The following PBX3 variants were observed in gnomAD, a reference collection of about 807,000 sequenced individuals.
PBX3 encodes PBX homeobox 3, also known as pre-B-cell leukemia transcription factor 3.
A neutral mutation model predicts 48.5 loss-of-function variants in PBX3; 14 were observed. That is an observed-to-expected ratio of 0.29 (90% CI 0.19 to 0.45). The LOEUF (loss-of-function observed/expected upper bound fraction) is 0.45. Among genes scored for constraint, PBX3 ranks in the 20% least tolerant of loss-of-function variants. The probability of loss-of-function intolerance (pLI) is 1.00; values close to 1 mark genes in which losing one functional copy is unlikely to be tolerated. For missense variants in PBX3, 386 were observed against 546.7 expected (o/e 0.71, Z 2.93); for synonymous variants, 210 against 200.3 (o/e 1.05, Z -0.41).
In PBX3 at chr9:125,832,258, C is replaced by T. The variant is rs866493919; in HGVS notation, c.275-83428C>T. ...TTGCCCAGGCTGGAGTGCAGTGGCG[C>T]GATCTCGGCTGACTGCAAGCTCTGC... On this transcript the variant is annotated intron_variant, in intron 2 of 8. Coordinates refer to ENST00000373489, the MANE Select transcript of PBX3 (RefSeq NM_006195.6). Among the ~76,000 whole-genome samples the T allele has an allele frequency of 1.5e-4, 22 of 151,374 alleles. No individual in the cohort carries two copies. In the East Asian group the frequency reaches 1.6e-3, roughly 11 times the overall value.
At chr9:125,903,662 T>C (rs1270453140) in intron 2 of PBX3, among the ~76,000 whole-genome samples, 2 of 151,892 alleles carry the variant, frequency 1.3e-5, no homozygotes, top group Admixed American at 1.3e-4. Context: ...ACAAAAGAAG[T>C]AAGTTAACAA....
chr9:125,867,098 A>T (rs892638067), intron 2 of PBX3, among the ~76,000 whole-genome samples: 3 of 152,174 alleles, frequency 2.0e-5, no homozygotes, highest in Non-Finnish European at 4.4e-5. Flanking sequence ...CAAAAATAAT[A>T]CCATGAAGGG....
rs1218388914 is a variant in PBX3 at position 125,899,452 on chromosome 9, T to TAGAGAGAGAG, written c.275-16233_275-16232insGAGAGAGAGA. 1.0e-3 allele frequency among the ~76,000 whole-genome samples: 92 copies of TAGAGAGAGAG among 89,074 alleles called. 1 individual carries two copies. Among genetic ancestry groups the TAGAGAGAGAG allele is most frequent in the South Asian group, 2.8e-3 (7 of 2,494 alleles). 58.4% of individuals were successfully genotyped at this position (89,074 alleles called of 152,430 possible). A position where few individuals can be genotyped will look rare whatever the true frequency, so the allele number is the denominator to read the frequency against. ...CTATATATATGTGTGTATATATATA[T>TAGAGAGAGAG]ATAGAGAGAGAGAGAGAGAGAGAGA... is the stretch of plus-strand genomic sequence containing the variant. On this transcript the variant is annotated intron_variant, in intron 2 of 8. Transcript: ENST00000373489.
intron 2 of PBX3, among the ~76,000 whole-genome samples, chr9:125,821,876 A>G (rs1380524212): frequency 6.6e-6 from 1 of 152,072 alleles, no homozygotes; most frequent in Non-Finnish European, 1.5e-5. Flanking sequence ...CCTCATTATG[A>G]TTTTAAGGAT....
intron 2 of PBX3, among the ~76,000 whole-genome samples, chr9:125,834,406 T>C (rs1387411058): frequency 6.6e-6 from 1 of 151,926 alleles, no homozygotes; most frequent in African/African-American, 2.4e-5. Context: ...GTTTTTTTTA[T>C]TTTTATTTTT....
At chr9:125,826,521 C>T (rs1236668328) in intron 2 of PBX3, among the ~76,000 whole-genome samples, 1 of 152,008 alleles carries the variant, frequency 6.6e-6, no homozygotes, top group Non-Finnish European at 1.5e-5. Flanking sequence ...ATTTCATAAA[C>T]ATAATATGGT....
intron 2 of PBX3, among the ~76,000 whole-genome samples, chr9:125,875,641 A>G (rs954905930): frequency 1.3e-5 from 2 of 152,098 alleles, no homozygotes; most frequent in Admixed American, 6.6e-5. Flanking sequence ...TCTTGGTTCA[A>G]TCTTCCTGAC....
intron 2 of PBX3, among the ~76,000 whole-genome samples, chr9:125,836,202 T>TA (rs1564681973): frequency 6.6e-6 from 1 of 152,144 alleles, no homozygotes; most frequent in Non-Finnish European, 1.5e-5. Flanking sequence ...TCCAAGCACT[T>TA]TGGGAGGCCG....
At chr9:125,906,741 G>C (rs142864354) in intron 2 of PBX3, among the ~76,000 whole-genome samples, 1 of 151,956 alleles carries the variant, frequency 6.6e-6, no homozygotes, top group Non-Finnish European at 1.5e-5. Flanking sequence ...TATTATGTGT[G>C]TATGGTACTA....
intron 2 of PBX3, among the ~76,000 whole-genome samples, chr9:125,750,185 C>T (rs925869115): frequency 5.3e-5 from 8 of 152,186 alleles, no homozygotes; most frequent in African/African-American, 1.7e-4. Context: ...TCAGTTTCTG[C>T]TGACAGCCAA....
Position 125,847,284 on chromosome 9 carries a change from A to G in PBX3, c.275-68402A>G, listed in dbSNP as rs898038284. 6.6e-5 allele frequency among the ~76,000 whole-genome samples: 10 copies of G among 152,100 alleles called. No homozygotes were observed. The East Asian group carries it at 1.7e-3, about 26-fold the overall frequency. On this transcript the variant is annotated intron_variant, in intron 2 of 8. Transcript: ENST00000373489. ...ATTTCTTATACTAATTTGTGAAGAG[A>G]AAATTTCCTATATCTACTACTTAGT...
intron 2 of PBX3, among the ~76,000 whole-genome samples, chr9:125,849,304 A>G (rs1839513280): frequency 6.6e-6 from 1 of 151,836 alleles, no homozygotes; most frequent in Admixed American, 6.6e-5. Flanking sequence ...TTATTGTGCT[A>G]TCCTTTATGT....
chr9:125,756,890 C>T (rs1345861431), intron 2 of PBX3, among the ~76,000 whole-genome samples: 2 of 152,140 alleles, frequency 1.3e-5, no homozygotes, highest in Non-Finnish European at 2.9e-5. Context: ...TTCTCTGATT[C>T]CCTGAACTAG....
At chr9:125,783,990 G>C (rs1837393754) in intron 2 of PBX3, among the ~76,000 whole-genome samples, 2 of 152,100 alleles carry the variant, frequency 1.3e-5, no homozygotes, top group African/African-American at 2.4e-5. Flanking sequence ...GACAGATGGA[G>C]ACTTTGTTTC....
intron 2 of PBX3, among the ~76,000 whole-genome samples, chr9:125,829,254 A>T (rs73667090): frequency 0.039 from 5,935 of 152,244 alleles, 405 homozygotes; most frequent in African/African-American, 0.13. Flanking sequence ...ATTTATTCAC[A>T]TGCTGCTTGT....
intron 2 of PBX3, among the ~76,000 whole-genome samples, chr9:125,876,623 T>C (rs1285414553): frequency 6.6e-6 from 1 of 152,182 alleles, no homozygotes; most frequent in African/African-American, 2.4e-5. Flanking sequence ...GTTTCTGTTA[T>C]CAGTAAGGCT....
chr9:125,795,173 T>A (rs1264512799), intron 2 of PBX3, among the ~76,000 whole-genome samples: 1 of 152,226 alleles, frequency 6.6e-6, no homozygotes. Context: ...TTGTTATTCA[T>A]TAATGGAAAC....
chr9:125,779,962 C>T (rs1468855955), intron 2 of PBX3, among the ~76,000 whole-genome samples: 7 of 119,412 alleles, frequency 5.9e-5, no homozygotes, highest in South Asian at 2.9e-4. Context: ...CCCTCCCGGA[C>T]GGGGCGGCTG....
At chr9:125,761,330 GTATTT>G in intron 2 of PBX3, among the ~76,000 whole-genome samples, 1 of 151,502 alleles carries the variant, frequency 6.6e-6, no homozygotes, top group South Asian at 2.1e-4. Flanking sequence ...TGAAAATATT[GTATTT>G]TGAGTAAGAG....
Sources: gnomAD v4.1 joint callset for allele counts (sites outside exome capture counted in the v4.1 genomes callset) on GRCh38, gnomAD v4.1.1 for gene constraint, MANE v1.5 for transcripts, NCBI Gene and HGNC (gene_info 2026-07-23, HGNC 2026-07-21) for gene names.